The following AK9 variants were observed in gnomAD, a reference collection of about 807,000 sequenced individuals.
AK9 encodes the protein adenylate kinase 9.
AK9 carries 191 observed loss-of-function variants against 239.6 expected under a neutral mutation model. The observed-to-expected ratio is 0.80, with a 90% CI of 0.71 to 0.90. The LOEUF (loss-of-function observed/expected upper bound fraction) is 0.90. AK9 is among the 40% of genes least tolerant of loss of function. The pLI is 0.00. For synonymous variants in AK9, 689 were observed against 721.0 expected (o/e 0.96, Z 0.71); for missense variants, 1,995 against 2,214.7 (o/e 0.90, Z 1.99).
chr6:109,633,183 C>G lies in AK9; in HGVS notation c.1073+1G>C, dbSNP rs767424830. ...AATTAAGTTCTGAAAATCTTACTTACCTCACAGAATAATCTGGTAATCCTG... is the reference window on the plus strand; with the variant it reads ...AATTAAGTTCTGAAAATCTTACTTAGCTCACAGAATAATCTGGTAATCCTG... On this transcript the variant is annotated splice_donor_variant, in intron 11 of 40. Transcript: ENST00000424296. LOFTEE classifies it high-confidence loss of function. 14 of 1,583,536 alleles carry G rather than the reference C, an allele frequency of 8.8e-6. No homozygotes were observed. In the South Asian group the frequency reaches 1.5e-4, roughly 17 times the overall value.
chr6:109,690,079 T>G (rs140666038), intron 1 of AK9, among the ~76,000 whole-genome samples: 107 of 152,346 alleles, frequency 7.0e-4, no homozygotes, highest in African/African-American at 2.5e-3. Flanking sequence ...TACAATATGA[T>G]CTTTGGTATT....
At chr6:109,568,317 A>G (rs551109111) in intron 21 of AK9, among the ~76,000 whole-genome samples, 1 of 152,286 alleles carries the variant, frequency 6.6e-6, no homozygotes, top group East Asian at 1.9e-4. Context: ...CCCACAGCCA[A>G]TATCATACTG....
intron 22 of AK9, 30 bp downstream of exon 22, chr6:109,564,725 TG>T: frequency 6.8e-7 from 1 of 1,464,780 alleles, no homozygotes; most frequent in Non-Finnish European, 9.2e-7. Flanking sequence ...AGTACTTTTA[TG>T]CAAGAACTAC....
chr6:109,533,331 G>C lies in AK9; in HGVS notation c.3490C>G (p.Gln1164Glu), dbSNP rs771499588. 6.2e-7 allele frequency: 1 copy of C among 1,611,416 alleles called. No individual in the cohort carries two copies. Among genetic ancestry groups the C allele is most frequent in the African/African-American group, 1.3e-5 (1 of 74,760 alleles). ...QDIFDRLLPA[Q>E]IEKWKLKQKK... is the part of the protein sequence containing the mutation. Reference sequence around the variant, plus strand: ...TGTTTTAGTTTCCACTTTTCAATTTGGGCAGGAAGGAGGCGATCAAAAATA... The same window carrying C: ...TGTTTTAGTTTCCACTTTTCAATTTCGGCAGGAAGGAGGCGATCAAAAATA... The change falls in exon 28 of 41, where the codon CAA becomes GAA. Residue 1164 changes from glutamine (Q) to glutamate (E), a missense_variant. By Grantham distance (29) the Gln-to-Glu change is conservative (BLOSUM62 2). This residue lies in a region of AK9 where 1,290 missense variants were observed against 1,392.7 expected (regional missense o/e 0.93). Coordinates refer to ENST00000424296, the MANE Select transcript of AK9 (RefSeq NM_001145128.3).
chr6:109,655,122 G>C (rs1054268350), intron 8 of AK9, among the ~76,000 whole-genome samples: 1 of 152,102 alleles, frequency 6.6e-6, no homozygotes, highest in Non-Finnish European at 1.5e-5. Context: ...TTCTACTTCT[G>C]GGTGTTTTTG....
intron 17 of AK9, among the ~76,000 whole-genome samples, chr6:109,597,592 G>A (rs921211108): frequency 2.0e-5 from 3 of 152,134 alleles, no homozygotes; most frequent in Non-Finnish European, 2.9e-5. Flanking sequence ...AGAATGGTGT[G>A]AACCTGGGAG....
intron 21 of AK9, among the ~76,000 whole-genome samples, chr6:109,571,495 C>T (rs1388294241): frequency 6.6e-6 from 1 of 152,166 alleles, no homozygotes; most frequent in Admixed American, 6.5e-5. Context: ...CAAAACAAAA[C>T]ACCATTCTTA....
intron 33 of AK9, among the ~76,000 whole-genome samples, chr6:109,508,589 G>A (rs1778355660): frequency 6.6e-6 from 1 of 152,200 alleles, no homozygotes; most frequent in South Asian, 2.1e-4. Context: ...GTAAATCAGG[G>A]GGGTTCTAGG....
intron 10 of AK9, among the ~76,000 whole-genome samples, chr6:109,634,243 C>T (rs1284678735): frequency 6.6e-6 from 1 of 152,142 alleles, no homozygotes; most frequent in African/African-American, 2.4e-5. Context: ...CAAGTTAACC[C>T]CTCTTGCCCT....
intron 17 of AK9, among the ~76,000 whole-genome samples, chr6:109,590,988 T>C (rs978347248): frequency 2.0e-5 from 3 of 152,332 alleles, no homozygotes; most frequent in South Asian, 2.1e-4. Context: ...AGAATGAATA[T>C]TCTACAGGTG....
chr6:109,537,780 G>A (rs1317734072), intron 27 of AK9, among the ~76,000 whole-genome samples: 2 of 152,006 alleles, frequency 1.3e-5, no homozygotes, highest in Admixed American at 1.3e-4. Context: ...CTTTAAATGT[G>A]TCCCAGAGAT....
At chr6:109,662,239 G>A (rs754837812) in intron 6 of AK9, among the ~76,000 whole-genome samples, 2 of 152,184 alleles carry the variant, frequency 1.3e-5, no homozygotes, top group African/African-American at 2.4e-5. Flanking sequence ...TAAGTAAGGT[G>A]TGGAAGGGAG....
At chr6:109,543,326 T>A (rs1033053239) in intron 26 of AK9, among the ~76,000 whole-genome samples, 1 of 152,176 alleles carries the variant, frequency 6.6e-6, no homozygotes, top group African/African-American at 2.4e-5. Flanking sequence ...ATCCCTTAAT[T>A]GCTTTCTGAC....
intron 29 of AK9, chr6:109,528,640 T>A (rs548065292): frequency 1.3e-5 from 6 of 462,216 alleles, no homozygotes; most frequent in Non-Finnish European, 2.2e-5. Context: ...CTGTACAATA[T>A]CAGCAGTCCT....
intron 10 of AK9, among the ~76,000 whole-genome samples, 169 bp downstream of exon 10, chr6:109,641,349 C>CTTTTTTTTTTTTTTT (rs913203723): frequency 8.0e-6 from 1 of 124,390 alleles, no homozygotes; most frequent in Non-Finnish European, 1.6e-5. Context: ...TTCTTTCTTT[C>CTTTTTTTTTTTTTTT]TTTTTTTTTT....
chr6:109,560,570 G>A (rs1417579781), intron 24 of AK9, among the ~76,000 whole-genome samples: 2 of 152,046 alleles, frequency 1.3e-5, no homozygotes, highest in Non-Finnish European at 2.9e-5. Flanking sequence ...TACATTGATT[G>A]CTTTTCAAAC....
intron 12 of AK9, among the ~76,000 whole-genome samples, chr6:109,629,855 G>A (rs140873680): frequency 0.021 from 3,145 of 151,914 alleles, 84 homozygotes; most frequent in East Asian, 0.11. Flanking sequence ...GGATGGTCTC[G>A]ATCTCCTGAC....
chr6:109,497,076 G>A (rs912524110), intron 38 of AK9, among the ~76,000 whole-genome samples: 1 of 151,990 alleles, frequency 6.6e-6, no homozygotes, highest in Non-Finnish European at 1.5e-5. Context: ...TTACAGTTCA[G>A]GAATACCCTA....
chr6:109,579,377 A>G (rs1224393736), intron 20 of AK9, 173 bp downstream of exon 20: 3 of 576,038 alleles, frequency 5.2e-6, no homozygotes, highest in Non-Finnish European at 9.2e-6. Flanking sequence ...ACAAACTGGA[A>G]CACTTTAAGA....
Sources: gnomAD v4.1 joint callset for allele counts (sites outside exome capture counted in the v4.1 genomes callset) on GRCh38, gnomAD v4.1.1 for gene constraint, gnomAD v4.1.1 regional missense constraint, MANE v1.5 for transcripts, NCBI Gene and HGNC (gene_info 2026-07-23, HGNC 2026-07-21) for gene names.